The following LSAMP variants were observed in gnomAD, a reference collection of about 807,000 sequenced individuals.
LSAMP encodes limbic system associated membrane protein.
In LSAMP, 7 loss-of-function variants were observed where a neutral mutation model predicts 38.6. That is an observed-to-expected ratio of 0.18 (90% CI 0.10 to 0.34). The LOEUF is 0.34. Among genes scored for constraint, LSAMP ranks in the 10% least tolerant of loss-of-function variants. The pLI is 1.00. For missense variants in LSAMP, 313 were observed against 420.0 expected (o/e 0.75, Z 2.23); for synonymous variants, 154 against 166.8 (o/e 0.92, Z 0.59).
At chr3:115,874,212 T>C (rs1350084725) in intron 3 of LSAMP, among the ~76,000 whole-genome samples, 1 of 152,094 alleles carries the variant, frequency 6.6e-6, no homozygotes, top group Non-Finnish European at 1.5e-5. Context: ...ATGCTGTCTC[T>C]CCTCCTCCAA....
At chr3:116,225,033 A>G (rs2046327560) in intron 1 of LSAMP, among the ~76,000 whole-genome samples, 1 of 152,354 alleles carries the variant, frequency 6.6e-6, no homozygotes, top group African/African-American at 2.4e-5. Context: ...CAAGAATGTC[A>G]GCAAACCAGC....
chr3:116,254,530 A>G (rs531500456), intron 1 of LSAMP, among the ~76,000 whole-genome samples: 2 of 152,294 alleles, frequency 1.3e-5, no homozygotes, highest in Non-Finnish European at 2.9e-5. Flanking sequence ...GGTTTCCACC[A>G]TATCTGCCTC....
intron 6 of LSAMP, among the ~76,000 whole-genome samples, chr3:115,840,348 C>T (rs2918235): frequency 0.37 from 56,608 of 151,644 alleles, 10,767 homozygotes; most frequent in Admixed American, 0.48. Flanking sequence ...TGGTTCCCCC[C>T]GCACCCCCCC....
chr3:116,325,789 C>T (rs937554967), intron 1 of LSAMP, among the ~76,000 whole-genome samples: 2 of 151,820 alleles, frequency 1.3e-5, no homozygotes, highest in African/African-American at 4.8e-5. Context: ...CTACTTTGAA[C>T]CCTCAGTGAT....
At chr3:116,279,283 A>ACAAT (rs1416269787) in intron 1 of LSAMP, among the ~76,000 whole-genome samples, 1 of 152,210 alleles carries the variant, frequency 6.6e-6, no homozygotes, top group African/African-American at 2.4e-5. Context: ...AGGAGAAAGT[A>ACAAT]CAATCACACA....
chr3:115,992,975 GC>G (rs1444274841), intron 3 of LSAMP, among the ~76,000 whole-genome samples: 1 of 152,052 alleles, frequency 6.6e-6, no homozygotes, highest in African/African-American at 2.4e-5. Flanking sequence ...TATGGATGGT[GC>G]CAATTTCTCC....
chr3:116,378,071 T>C (rs1019372258), intron 1 of LSAMP, among the ~76,000 whole-genome samples: 6 of 152,052 alleles, frequency 3.9e-5, no homozygotes, highest in Non-Finnish European at 7.4e-5. Flanking sequence ...ATTTTCTGTC[T>C]CCTTCTAGGG....
chr3:116,126,546 A>T (rs1709012160), intron 1 of LSAMP, among the ~76,000 whole-genome samples: 1 of 152,190 alleles, frequency 6.6e-6, no homozygotes, highest in African/African-American at 2.4e-5. Context: ...TAGAATTTTG[A>T]TTTATCCCTT....
At chr3:115,813,947 T>C (rs908019865) in intron 6 of LSAMP, among the ~76,000 whole-genome samples, 6 of 152,196 alleles carry the variant, frequency 3.9e-5, no homozygotes, top group African/African-American at 9.6e-5. Flanking sequence ...GCCTTAAGAA[T>C]AGATGGGCAA....
At chr3:116,327,135 T>C (rs937880230) in intron 1 of LSAMP, among the ~76,000 whole-genome samples, 7 of 152,184 alleles carry the variant, frequency 4.6e-5, no homozygotes, top group Admixed American at 3.9e-4. Context: ...GATTTTGATA[T>C]AGTGCTTCTG....
At chr3:116,039,564 A>T (rs1941122063) in intron 2 of LSAMP, among the ~76,000 whole-genome samples, 1 of 152,216 alleles carries the variant, frequency 6.6e-6, no homozygotes, top group African/African-American at 2.4e-5. Context: ...TTCCAGTAGC[A>T]TTAGGGTTTG....
At chr3:116,264,141 A>G (rs2046866048) in intron 1 of LSAMP, among the ~76,000 whole-genome samples, 1 of 152,198 alleles carries the variant, frequency 6.6e-6, no homozygotes, top group East Asian at 1.9e-4. Context: ...GCAGAATCTA[A>G]TTAGGTGTAC....
At chr3:116,283,326 A>T (rs1366259956) in intron 1 of LSAMP, among the ~76,000 whole-genome samples, 1 of 152,168 alleles carries the variant, frequency 6.6e-6, no homozygotes, top group African/African-American at 2.4e-5. Context: ...AATTATGAAG[A>T]TAAAATAAAC....
rs9825214 is a variant in LSAMP, at chr3:115,911,297, T to A, written c.515-58680A>T. 9.3e-3 allele frequency among the ~76,000 whole-genome samples: 1,422 copies of A among 152,324 alleles called. 26 individuals are homozygous for A. Among genetic ancestry groups the A allele is most frequent in the African/African-American group, 0.032 (1,333 of 41,578 alleles). ...GTTTCTTCAATCATTGAGAAACATA[T>A]GGGTTGTTTTTGGTTTATAGCTATT... On this transcript the variant is annotated intron_variant, in intron 3 of 6. Transcript: ENST00000490035.
intron 1 of LSAMP, among the ~76,000 whole-genome samples, chr3:116,145,376 A>C (rs1422950203): frequency 1.3e-5 from 2 of 152,028 alleles, no homozygotes. Context: ...GACCCACACC[A>C]TTGTGCTGTC....
At chr3:116,444,392 A>ACACACACACAC (rs141638402) in intron 1 of LSAMP, among the ~76,000 whole-genome samples, 7,217 of 144,100 alleles carry the variant, frequency 0.05, 258 homozygotes, top group South Asian at 0.096. Context: ...TGGCATGAAA[A>ACACACACACAC]ACACACACAC....
intron 1 of LSAMP, among the ~76,000 whole-genome samples, chr3:116,381,925 A>G (rs1327479588): frequency 1.3e-5 from 2 of 152,102 alleles, no homozygotes; most frequent in Non-Finnish European, 2.9e-5. Flanking sequence ...TTGGAGGCCA[A>G]ATTTGACCAT....
At chr3:116,418,730 C>G (rs1338156417) in intron 1 of LSAMP, among the ~76,000 whole-genome samples, 1 of 152,152 alleles carries the variant, frequency 6.6e-6, no homozygotes, top group East Asian at 1.9e-4. Flanking sequence ...TGGCTGAAAA[C>G]TAATTCTTGT....
At chr3:116,274,902 C>A (rs1576475580) in intron 1 of LSAMP, among the ~76,000 whole-genome samples, 2 of 133,800 alleles carry the variant, frequency 1.5e-5, no homozygotes, top group African/African-American at 5.5e-5. Flanking sequence ...TGTAGTTATA[C>A]ATAAAAAGTA....
Sources: allele counts gnomAD v4.1 joint callset (sites outside exome capture counted in the v4.1 genomes callset), GRCh38; gene constraint gnomAD v4.1.1; transcripts MANE v1.5; gene names NCBI Gene and HGNC (gene_info 2026-07-23, HGNC 2026-07-21).